Variants in SPATA13 observed in about 807,000 individuals in gnomAD.
SPATA13 encodes the protein spermatogenesis associated 13.
In SPATA13, 50 loss-of-function variants were observed where a neutral mutation model predicts 104.0. The observed-to-expected ratio is 0.48, with a 90% CI of 0.38 to 0.61. The LOEUF is 0.61. Among genes scored for constraint, SPATA13 ranks in the 20% least tolerant of loss-of-function variants. The pLI, the probability that SPATA13 is intolerant of heterozygous loss-of-function variation, is 0.00. For missense variants in SPATA13, 1,524 were observed against 1,690.6 expected, an observed-to-expected ratio of 0.90 and a Z score of 1.73; for synonymous variants, 606 against 667.5, an observed-to-expected ratio of 0.91 and a Z score of 1.42.
At chr13:24,004,091 C>A (rs755253500) in intron 2 of SPATA13, among the ~76,000 whole-genome samples, 2 of 152,140 alleles carry the variant, frequency 1.3e-5, no homozygotes, top group Non-Finnish European at 2.9e-5. Flanking sequence ...TCCTCAAGGT[C>A]GTTCAGGGAC....
intron 1 of SPATA13, among the ~76,000 whole-genome samples, chr13:24,222,471 A>AT (rs11411217): frequency 0.3 from 46,144 of 151,398 alleles, 7,215 homozygotes; most frequent in East Asian, 0.5. Context: ...TTTCCTAATT[A>AT]TTTTTTTTTC....
intron 1 of SPATA13, among the ~76,000 whole-genome samples, chr13:24,182,142 A>G (rs1868855653): frequency 6.6e-6 from 1 of 152,142 alleles, no homozygotes; most frequent in Admixed American, 6.5e-5. Context: ...TTGCATGGGG[A>G]AAGAGGCCTG....
intron 3 of SPATA13, among the ~76,000 whole-genome samples, chr13:24,098,096 A>C (rs1472219959): frequency 2.0e-5 from 3 of 152,230 alleles, no homozygotes; most frequent in Admixed American, 6.5e-5. Flanking sequence ...AGAGAAAAAC[A>C]AATGAAAGTT....
At chr13:24,093,929 C>T (rs957001397) in intron 3 of SPATA13, among the ~76,000 whole-genome samples, 3 of 145,650 alleles carry the variant, frequency 2.1e-5, no homozygotes, top group Admixed American at 6.9e-5. Context: ...AGACTATATA[C>T]CTCAGGCCTC....
intron 3 of SPATA13, chr13:24,122,447 C>T: frequency 1.2e-6 from 2 of 1,603,028 alleles, no homozygotes; most frequent in Non-Finnish European, 1.7e-6. Context: ...TCATCGTCTC[C>T]ATCTTCACCA....
rs190953430 is a variant in SPATA13, at chr13:24,063,747, A to G, written c.-112+46046A>G. Among the ~76,000 whole-genome samples, 5 of 152,304 alleles carry G rather than the reference A, an allele frequency of 3.3e-5. No individual in the cohort carries two copies. In the East Asian group the frequency reaches 9.7e-4, roughly 29 times the overall value. On this transcript the variant is annotated intron_variant, in intron 3 of 14. Coordinates refer to the SPATA13 transcript ENST00000424834. Reference sequence around the variant, plus strand: ...TTCACCCTTTATAAAACAAAATCAAAGAAAACAAAACAGAAACCTGCTCTC... The same window carrying G: ...TTCACCCTTTATAAAACAAAATCAAGGAAAACAAAACAGAAACCTGCTCTC...
At chr13:24,250,970 G>T (rs922834634) in intron 3 of SPATA13, among the ~76,000 whole-genome samples, 1 of 152,140 alleles carries the variant, frequency 6.6e-6, no homozygotes, top group Non-Finnish European at 1.5e-5. Flanking sequence ...TGGGAAAATT[G>T]TAAGAAAACC....
intron 1 of SPATA13, among the ~76,000 whole-genome samples, chr13:24,196,657 G>A (rs999743559): frequency 3.9e-5 from 6 of 152,138 alleles, no homozygotes; most frequent in African/African-American, 1.4e-4. Context: ...GATCACTGGA[G>A]CCCAAAAGGT....
chr13:24,191,508 T>C (rs962539597), intron 1 of SPATA13, among the ~76,000 whole-genome samples: 39 of 123,094 alleles, frequency 3.2e-4, no homozygotes, highest in Non-Finnish European at 5.6e-4. Flanking sequence ...TTTCTTTTTT[T>C]TTTTTTTTTT....
At chr13:24,192,395 G>C (rs60332756) in intron 1 of SPATA13, among the ~76,000 whole-genome samples, 14,605 of 152,038 alleles carry the variant, frequency 0.096, 789 homozygotes, top group East Asian at 0.23. Context: ...CTTGGTGACT[G>C]TGATGCCTGC....
chr13:24,106,981 T>C (rs1348052840), intron 3 of SPATA13, among the ~76,000 whole-genome samples: 1 of 151,960 alleles, frequency 6.6e-6, no homozygotes, highest in Non-Finnish European at 1.5e-5. Context: ...AGGATTCTAG[T>C]GCATTTGCTC....
chr13:24,223,242 C>T lies in SPATA13; in HGVS notation c.313C>T (p.Leu105Phe). Residue 105 changes from leucine to phenylalanine, a missense_variant, in exon 2 of 13, where the codon CTC becomes TTC. This residue lies in a region of SPATA13 where 1,089 missense variants were observed against 1,135.9 expected (regional missense o/e 0.96). Transcript: ENST00000382108. ...LVGNSSTWNT[L>F]ASFRKMGSFK... ...GGGGAACTCCTCCACATGGAACACC[C>T]TCGCCTCCTTCCGGAAAATGGGATC... The T allele has an allele frequency of 1.3e-6, 2 of 1,551,742 alleles. No individual in the cohort carries two copies. Among genetic ancestry groups the T allele is most frequent in the South Asian group, 2.4e-5 (2 of 84,066 alleles).
intron 3 of SPATA13, among the ~76,000 whole-genome samples, chr13:24,110,897 A>G (rs1434582639): frequency 1.3e-5 from 2 of 152,112 alleles, no homozygotes; most frequent in African/African-American, 4.8e-5. Context: ...ATCTCTGCGC[A>G]TAGCATATTC....
At chr13:24,237,716 G>A (rs1479300494) in intron 2 of SPATA13, among the ~76,000 whole-genome samples, 1 of 151,890 alleles carries the variant, frequency 6.6e-6, no homozygotes, top group East Asian at 1.9e-4. Context: ...GTAATCTCAA[G>A]CTACTCAGGA....
In SPATA13 at chr13:24,286,913, A is replaced by G; in HGVS notation, c.2630A>G (p.Glu877Gly). ...GTCATCCGGGAGATCATGGACACCG[A>G]GCGGGTGTACATCAAACACCTCAGG... ...TNVIREIMDTERVYIKHLRDI... is the reference protein window; with the variant it reads ...TNVIREIMDTGRVYIKHLRDI... Residue 877 changes from glutamate (E) to glycine (G), a missense_variant, in exon 7 of 13, where the codon GAG becomes GGG. Coordinates refer to ENST00000382108, the MANE Select transcript of SPATA13 (RefSeq NM_001166271.3). The surrounding 1 kb of genome is among the most constrained non-coding windows in gnomAD (Gnocchi z 4.9). The G allele has an allele frequency of 1.2e-6, 2 of 1,613,798 alleles. No individual in the cohort carries two copies. The highest frequency in any genetic ancestry group is 8.5e-7 in the Non-Finnish European group (1 of 1,179,970).
At chr13:24,096,607 C>A (rs1314310088) in intron 3 of SPATA13, among the ~76,000 whole-genome samples, 1 of 151,970 alleles carries the variant, frequency 6.6e-6, no homozygotes, top group Non-Finnish European at 1.5e-5. Flanking sequence ...ATAATAATAA[C>A]AAGGGGGACC....
intron 2 of SPATA13, among the ~76,000 whole-genome samples, chr13:24,013,641 C>T (rs1225250524): frequency 6.6e-6 from 1 of 152,000 alleles, no homozygotes. Context: ...GAGTAACCTA[C>T]ACCCATCGCT....
At chr13:24,026,137 A>G (rs1193417368) in intron 3 of SPATA13, among the ~76,000 whole-genome samples, 1 of 152,154 alleles carries the variant, frequency 6.6e-6, no homozygotes, top group South Asian at 2.1e-4. Context: ...TTGGTTGCAA[A>G]TATATTCCCC....
intron 3 of SPATA13, among the ~76,000 whole-genome samples, chr13:24,154,268 C>T (rs1392999391): frequency 6.6e-6 from 1 of 152,004 alleles, no homozygotes; most frequent in African/African-American, 2.4e-5. Flanking sequence ...CACATAGTAA[C>T]CAAAAGTAAA....
Sources: allele counts gnomAD v4.1 joint callset (sites outside exome capture counted in the v4.1 genomes callset), GRCh38; gene constraint gnomAD v4.1.1; regional missense constraint gnomAD v4.1.1; non-coding constraint Gnocchi (gnomAD v3.1); transcripts MANE v1.5; gene names NCBI Gene and HGNC (gene_info 2026-07-23, HGNC 2026-07-21).